Variants in DDX3X observed in about 807,000 individuals in gnomAD.
DDX3X encodes DEAD-box helicase 3 X-linked.
DDX3X carries 4 observed loss-of-function variants against 52.7 expected under a neutral mutation model. That is an observed-to-expected ratio of 0.08 (90% CI 0.04 to 0.17). The LOEUF (loss-of-function observed/expected upper bound fraction) is 0.17, where lower values mean the gene tolerates loss of function less well. Ranked by LOEUF, DDX3X falls within the 10% of genes least tolerant of loss-of-function variation. The probability of loss-of-function intolerance (pLI) is 1.00; values close to 1 mark genes in which losing one functional copy is unlikely to be tolerated. For missense variants in DDX3X, 222 were observed against 548.6 expected (o/e 0.40, Z 5.95); for synonymous variants, 192 against 178.1 (o/e 1.08, Z -0.62).
rs897999275 is a variant in DDX3X at position 41,334,557 on chromosome X, G to A, written c.45+260G>A. The A allele has an allele frequency of 6.4e-6, 7 of 1,092,377 alleles. No individual in the cohort carries two copies. In the African/African-American group the frequency reaches 9.2e-5, roughly 14 times the overall value. The allele number at this position is 1,092,377 out of a possible 1,213,427, so 90.0% of individuals were successfully genotyped here. ...GTGTGTGCGTGCGCAGGCGGGCGGA[G>A]GGGGAGGAAGTGCGCGCGCTCTCGC... On this transcript the variant is annotated intron_variant, in intron 1 of 16. Coordinates refer to ENST00000644876, the MANE Select transcript of DDX3X (RefSeq NM_001356.5).
intron 5 of DDX3X, among the ~76,000 whole-genome samples, chrX:41,359,144 G>A (rs750158036): frequency 8.9e-5 from 10 of 112,316 alleles, no homozygotes; most frequent in East Asian, 8.3e-4. Context: ...TACTCTTTGC[G>A]TCTAAGAAAC....
At chrX:41,353,367 C>T (rs1379960379), downstream of DDX3X, among the ~76,000 whole-genome samples, 1 of 107,831 alleles carries the variant, frequency 9.3e-6, no homozygotes, top group African/African-American at 3.4e-5. Flanking sequence ...ACTTAGGAGG[C>T]TGAGGCAGGA....
At position 41,358,563 on chromosome X, in the gene DDX3X, G is replaced by A. The variant is rs748543047; in HGVS notation, c.655-5711G>A. 4.5e-5 allele frequency among the ~76,000 whole-genome samples: 5 copies of A among 111,180 alleles called. No homozygotes were observed. In the South Asian group the frequency reaches 1.5e-3, roughly 33 times the overall value. ...ATGCATTCAACTTAATTACCTTAAT[G>A]TCCCAGGATTTTAATAACCCTTAAA... On this transcript the variant is annotated intron_variant, in intron 5 of 5. Transcript: ENST00000616050.
intron 1 of DDX3X, chrX:41,336,222 C>CT (rs984426058): frequency 1.8e-5 from 2 of 111,963 alleles, no homozygotes; most frequent in African/African-American, 3.2e-5. Context: ...TCTTTTGTGG[C>CT]TTTTTTGAGA....
Position 41,341,501 on chromosome X carries a change from A to G in DDX3X, c.169A>G (p.Ser57Gly). The change falls in exon 4 of 17, where the codon AGT becomes GGT. Residue 57 changes from serine (S) to glycine (G), a missense_variant. By Grantham distance (56) the Ser-to-Gly change is moderately conservative. Coordinates refer to ENST00000644876, the MANE Select transcript of DDX3X (RefSeq NM_001356.5). The part of the protein sequence containing the change: ...EATKGFYDKD[S>G]SGWSSSKDKD... ...AATCAAAGGTTTCTACGATAAAGACAGTTCAGGGTGGAGTTCTAGCAAAGA... is the reference window on the plus strand; with the variant it reads ...AATCAAAGGTTTCTACGATAAAGACGGTTCAGGGTGGAGTTCTAGCAAAGA... 8.3e-7 allele frequency: 1 copy of G among 1,205,979 alleles called. No homozygotes were observed. The highest frequency in any genetic ancestry group is 2.3e-4 in the Middle Eastern group (1 of 4,333).
downstream of DDX3X, among the ~76,000 whole-genome samples, chrX:41,354,285 T>G (rs958078228): frequency 5.7e-5 from 6 of 105,222 alleles, no homozygotes; most frequent in Non-Finnish European, 1.2e-4. Context: ...ATGTGTAGAT[T>G]TGTGTAACCC....
At chrX:41,347,562 C>T in intron 16 of DDX3X, 78 bp from the exon 17 acceptor site, 1 of 1,124,595 alleles carries the variant, frequency 8.9e-7, no homozygotes. Context: ...AACTTGATGG[C>T]AAATTACGTA....
rs1485120176 is a variant in DDX3X, at chrX:41,348,041, T to C, written c.*322T>C. On this transcript the variant is annotated 3_prime_UTR_variant, in exon 17 of 17. Coordinates refer to ENST00000644876, the MANE Select transcript of DDX3X (RefSeq NM_001356.5). ...TGTTAATGTACTGTGCCTTTAACTT[T>C]AGACAACTTTTTATTTTGATGTCCT... 1 of 304,061 alleles carries C rather than the reference T, an allele frequency of 3.3e-6. No homozygotes were observed. The highest frequency in any genetic ancestry group is 5.7e-6 in the Non-Finnish European group (1 of 175,061). 25.1% of individuals were successfully genotyped at this position (304,061 alleles called of 1,213,427 possible).
chrX:41,355,052 C>T (rs2064003191), downstream of DDX3X, among the ~76,000 whole-genome samples: 6 of 111,189 alleles, frequency 5.4e-5, no homozygotes, highest in Admixed American at 4.8e-4. Context: ...AAGTCCTGAC[C>T]TCGGGTGATC....
intron 5 of DDX3X, 40 bp downstream of exon 5, chrX:41,342,693 A>T: frequency 2.5e-6 from 3 of 1,207,869 alleles, no homozygotes; most frequent in Non-Finnish European, 3.4e-6. Flanking sequence ...ATGAAGCCTT[A>T]CTAGCTAGTA....
intron 3 of DDX3X, 61 bp from the exon 4 acceptor site, chrX:41,341,423 C>T (rs1296743419): frequency 3.1e-5 from 31 of 1,004,242 alleles, no homozygotes; most frequent in Non-Finnish European, 3.4e-5. Flanking sequence ...ATTGATAATA[C>T]CTTAACATGG....
At chrX:41,345,688 G>T in intron 12 of DDX3X, 140 bp downstream of exon 12, 1 of 561,594 alleles carries the variant, frequency 1.8e-6, no homozygotes, top group South Asian at 3.8e-5. Flanking sequence ...TCTGACCTGG[G>T]CCTGTTCACC....
At chrX:41,337,640 G>T in intron 2 of DDX3X, 175 bp downstream of exon 2, 5 of 316,742 alleles carry the variant, frequency 1.6e-5, no homozygotes, top group Non-Finnish European at 2.5e-5. Context: ...AAGCATCGTT[G>T]CCTTTTTTTT....
intron 6 of DDX3X, 54 bp from the exon 7 acceptor site, chrX:41,343,162 T>G: frequency 1.7e-6 from 2 of 1,163,713 alleles, no homozygotes; most frequent in Non-Finnish European, 2.3e-6. Flanking sequence ...ATTATTAGTA[T>G]AAAACAGAAA....
At position 41,337,495 on chromosome X, in the gene DDX3X, A is replaced by C. The variant is rs1347160132; in HGVS notation, c.103+30A>C. The C allele has an allele frequency of 4.4e-6, 5 of 1,124,906 alleles. No individual in the cohort carries two copies. The South Asian group carries it at 9.6e-5, about 22-fold the overall frequency. 92.7% of individuals were successfully genotyped at this position (1,124,906 alleles called of 1,213,427 possible). On this transcript the variant is annotated intron_variant, in intron 2 of 16. Coordinates refer to ENST00000644876, the MANE Select transcript of DDX3X (RefSeq NM_001356.5). ...GTACAACATCTTGTGGGTTTATTGA[A>C]TATTAGAGCTTAACATCTTAAGATT...
chrX:41,345,568 A>T lies in DDX3X; in HGVS notation c.1315+20A>T. 1 of 1,170,439 alleles carries T rather than the reference A, an allele frequency of 8.5e-7. No homozygotes were observed. Among genetic ancestry groups the T allele is most frequent in the Non-Finnish European group, 1.2e-6 (1 of 866,312 alleles). On this transcript the variant is annotated intron_variant, in intron 12 of 16. Coordinates refer to ENST00000644876, the MANE Select transcript of DDX3X (RefSeq NM_001356.5). ...CAACAGGTAACATTATGAATTTTTTATTTTATTAGACATGGGGGTTTCTCT... is the reference window on the plus strand; with the variant it reads ...CAACAGGTAACATTATGAATTTTTTTTTTTATTAGACATGGGGGTTTCTCT...
chrX:41,361,748 G>A (rs2064030664), intron 5 of DDX3X, among the ~76,000 whole-genome samples: 1 of 111,185 alleles, frequency 9.0e-6, no homozygotes, highest in African/African-American at 3.3e-5. Flanking sequence ...TGGGATTACA[G>A]GCATGAGCCA....
rs1419480709 is a variant in DDX3X at position 41,349,335 on chromosome X, T to C, written c.*1616T>C. On this transcript the variant is annotated 3_prime_UTR_variant, in exon 17 of 17. Coordinates refer to ENST00000644876, the MANE Select transcript of DDX3X (RefSeq NM_001356.5). ...ATTTTATATATATGTCTTGTGTGCG[T>C]GTCCTTAAACTTCCAATCTTACTTT... The C allele has an allele frequency of 8.9e-6, 1 of 111,913 alleles. No homozygotes were observed. Among genetic ancestry groups the C allele is most frequent in the African/African-American group, 3.3e-5 (1 of 30,682 alleles). 9.2% of individuals were successfully genotyped at this position (111,913 alleles called of 1,213,427 possible).
downstream of DDX3X, chrX:41,351,434 C>G (rs984150521): frequency 9.0e-6 from 1 of 111,708 alleles, no homozygotes; most frequent in Non-Finnish European, 1.9e-5. Flanking sequence ...GGAGCTGTGT[C>G]TAACCTTCAT....
Sources: allele counts gnomAD v4.1 joint callset (sites outside exome capture counted in the v4.1 genomes callset), GRCh38; gene constraint gnomAD v4.1.1; transcripts MANE v1.5; gene names NCBI Gene and HGNC (gene_info 2026-07-23, HGNC 2026-07-21).